The following ASIP variants were observed in gnomAD, a reference collection of about 807,000 sequenced individuals.
ASIP encodes the protein agouti signaling protein, also known as agouti-signaling protein.
In ASIP, 11 loss-of-function variants were observed where a neutral mutation model predicts 10.3. The observed-to-expected ratio is 1.07, with a 90% CI of 0.68 to 1.78. ASIP has a LOEUF of 1.78. ASIP is among the 40% of genes most tolerant of loss of function. The pLI is 0.00. For missense variants in ASIP, 180 were observed against 169.2 expected, an observed-to-expected ratio of 1.06 and a Z score of -0.35; for synonymous variants, 70 against 70.8, an observed-to-expected ratio of 0.99 and a Z score of 0.06.
At chr20:34,223,073 C>G (rs1053500785) in intron 1 of ASIP, among the ~76,000 whole-genome samples, 20 of 152,168 alleles carry the variant, frequency 1.3e-4, no homozygotes, top group African/African-American at 4.8e-4. Flanking sequence ...TGAGGAGTGT[C>G]TCTGCCTGGC....
chr20:34,260,578 C>T, intron 2 of ASIP, 44 bp downstream of exon 2: 2 of 1,548,862 alleles, frequency 1.3e-6, no homozygotes, highest in Non-Finnish European at 1.8e-6. Flanking sequence ...AGAGGGGCTG[C>T]AGGAGATCAA....
rs1568744449 is a variant in ASIP at position 34,201,007 on chromosome 20, TC to T, written c.-11+6249del. 6.6e-5 allele frequency among the ~76,000 whole-genome samples: 5 copies of T among 76,326 alleles called. No individual in the cohort carries two copies. The South Asian group carries it at 1.5e-3, about 23-fold the overall frequency. 50.1% of individuals were successfully genotyped at this position (76,326 alleles called of 152,430 possible). On this transcript the variant is annotated intron_variant, in intron 1 of 3. Coordinates refer to the ASIP transcript ENST00000568305. Reference sequence around the variant, plus strand: ...TTCCTTCCTTCCTTCCTTCCTTCCTTCCTTCCTTCCTTCTTTCTTTCTTTCT... The same window carrying T: ...TTCCTTCCTTCCTTCCTTCCTTCCTTCTTCCTTCCTTCTTTCTTTCTTTCT...
intron 1 of ASIP, among the ~76,000 whole-genome samples, chr20:34,235,566 A>G (rs1601584270): frequency 6.6e-6 from 1 of 152,122 alleles, no homozygotes; most frequent in African/African-American, 2.4e-5. Flanking sequence ...CAACAGAAGT[A>G]TATCTTTCTT....
intron 1 of ASIP, among the ~76,000 whole-genome samples, chr20:34,241,878 T>G (rs1020598252): frequency 3.3e-5 from 5 of 152,218 alleles, no homozygotes; most frequent in Non-Finnish European, 5.9e-5. Context: ...AGAGCAGAAT[T>G]TAGGATTTAG....
chr20:34,206,719 C>T (rs1313412138), intron 1 of ASIP, among the ~76,000 whole-genome samples: 4 of 152,200 alleles, frequency 2.6e-5, no homozygotes, highest in Non-Finnish European at 5.9e-5. Flanking sequence ...GCTGGGACTA[C>T]AGGTGCAAGC....
intron 1 of ASIP, among the ~76,000 whole-genome samples, chr20:34,221,719 A>C (rs992217413): frequency 1.3e-5 from 2 of 152,222 alleles, no homozygotes; most frequent in African/African-American, 4.8e-5. Context: ...AACTGGAACC[A>C]TACAGACTAA....
upstream of ASIP, among the ~76,000 whole-genome samples, chr20:34,191,274 T>C (rs2034822992): frequency 6.6e-6 from 1 of 152,158 alleles, no homozygotes; most frequent in Admixed American, 6.6e-5. Context: ...TTACACATAC[T>C]GGGGGGAAGA....
At chr20:34,192,953 A>C (rs1284010284), upstream of ASIP, among the ~76,000 whole-genome samples, 1 of 152,222 alleles carries the variant, frequency 6.6e-6, no homozygotes, top group Non-Finnish European at 1.5e-5. Flanking sequence ...TTGTGTTAGG[A>C]ATACTCCAAC....
chr20:34,249,621 T>G (rs1044932966), intron 1 of ASIP, among the ~76,000 whole-genome samples: 9 of 152,148 alleles, frequency 5.9e-5, no homozygotes, highest in African/African-American at 2.2e-4. Context: ...ATCTCTTAAT[T>G]TTTTAACAAG....
upstream of ASIP, among the ~76,000 whole-genome samples, chr20:34,191,733 T>C (rs1162585961): frequency 1.9e-4 from 27 of 145,790 alleles, no homozygotes; most frequent in East Asian, 2.6e-3. Flanking sequence ...TCTCTCTCTT[T>C]TTTTTTTTTT....
At chr20:34,254,931 A>T (rs2035542876) in intron 1 of ASIP, among the ~76,000 whole-genome samples, 1 of 152,156 alleles carries the variant, frequency 6.6e-6, no homozygotes, top group Non-Finnish European at 1.5e-5. Flanking sequence ...GTCCAACTGT[A>T]TGGTTCTACC....
chr20:34,257,026 ATTTC>A (rs1471297998), intron 1 of ASIP, among the ~76,000 whole-genome samples: 6 of 148,474 alleles, frequency 4.0e-5, no homozygotes, highest in South Asian at 2.2e-4. Flanking sequence ...TTAAAGTTGA[ATTTC>A]TTTCTTTCTT....
rs1222633402 is a variant in ASIP at position 34,260,531 on chromosome 20, G to C, written c.157G>C (p.Val53Leu). The C allele has an allele frequency of 6.2e-7, 1 of 1,610,578 alleles. No individual in the cohort carries two copies. The change falls in exon 2 of 4, where the codon GTG (valine) becomes CTG (leucine). Residue 53 changes from valine to leucine, a missense_variant. Val to Leu is a conservative substitution (Grantham distance 32, BLOSUM62 1). Coordinates refer to ENST00000374954, the MANE Select transcript of ASIP (RefSeq NM_001672.3). ...ACTGGATGTCCCTTCTGTCTCTATT[G>C]TGGGTAAGTCACCTAGCCTCTGGGC... ...NLLDVPSVSI[V>L]ALNKKSKQIG...
chr20:34,226,805 T>C (rs965425794), intron 1 of ASIP, among the ~76,000 whole-genome samples: 5 of 152,162 alleles, frequency 3.3e-5, no homozygotes, highest in African/African-American at 7.2e-5. Context: ...ACCAGGCTGG[T>C]CTTGAACTCC....
chr20:34,264,377 C>CA (rs1417348032), intron 3 of ASIP, among the ~76,000 whole-genome samples: 2 of 152,160 alleles, frequency 1.3e-5, no homozygotes, highest in Non-Finnish European at 2.9e-5. Context: ...CATCTCTGCA[C>CA]AAGGAGTCTC....
At chr20:34,210,912 G>A (rs2034970344) in intron 1 of ASIP, among the ~76,000 whole-genome samples, 1 of 152,226 alleles carries the variant, frequency 6.6e-6, no homozygotes, top group African/African-American at 2.4e-5. Flanking sequence ...ATTTGGTCAT[G>A]GAGTATTAGT....
At chr20:34,202,244 T>C (rs561528351) in intron 1 of ASIP, among the ~76,000 whole-genome samples, 10 of 152,238 alleles carry the variant, frequency 6.6e-5, no homozygotes, top group Non-Finnish European at 1.3e-4. Flanking sequence ...GTCCAACATG[T>C]AGCCACTGAA....
Position 34,199,772 on chromosome 20 carries a change from G to A in ASIP, c.-11+5012G>A, listed in dbSNP as rs116638887. 2.3e-3 allele frequency among the ~76,000 whole-genome samples: 353 copies of A among 152,256 alleles called. 2 individuals carry two copies. The highest frequency in any genetic ancestry group is 7.8e-3 in the African/African-American group (324 of 41,554). ...CAAGGCTATGTGGAGTCACACTGGAGCTTCAGGCAAAAGAAAAAATAAAAA... is the reference window on the plus strand; with the variant it reads ...CAAGGCTATGTGGAGTCACACTGGAACTTCAGGCAAAAGAAAAAATAAAAA... On this transcript the variant is annotated intron_variant, in intron 1 of 3. Transcript: ENST00000568305.
At chr20:34,212,372 A>C (rs1013192894) in intron 1 of ASIP, among the ~76,000 whole-genome samples, 1 of 152,222 alleles carries the variant, frequency 6.6e-6, no homozygotes, top group African/African-American at 2.4e-5. Flanking sequence ...ATTCATGCAC[A>C]CACACATTTT....
Sources: allele counts gnomAD v4.1 joint callset (sites outside exome capture counted in the v4.1 genomes callset), GRCh38; gene constraint gnomAD v4.1.1; transcripts MANE v1.5; gene names NCBI Gene and HGNC (gene_info 2026-07-23, HGNC 2026-07-21).